Variants in PPRC1 observed in about 807,000 individuals in gnomAD.
The protein encoded by PPRC1 is peroxisome proliferator-activated receptor gamma coactivator-related protein 1.
In PPRC1, 23 loss-of-function variants were observed where a neutral mutation model predicts 132.5. That is an observed-to-expected ratio of 0.17 (90% CI 0.12 to 0.25). The LOEUF is 0.25. PPRC1 is among the 10% of genes least tolerant of loss of function. The pLI is 1.00. For synonymous variants in PPRC1, 872 were observed against 833.5 expected (o/e 1.05, Z -0.80); for missense variants, 2,006 against 2,089.1 (o/e 0.96, Z 0.78).
chr10:102,146,752 C>T lies in PPRC1; in HGVS notation c.3760C>T (p.Pro1254Ser), dbSNP rs757841018. The T allele has an allele frequency of 6.2e-7, 1 of 1,614,000 alleles. No homozygotes were observed. The highest frequency in any genetic ancestry group is 8.5e-7 in the Non-Finnish European group (1 of 1,179,908). ...CTCACTGCTGGCCAAAGCCAAATCTCCTAAGTCCACCGCCCAGGAGGGAAC... is the reference window on the plus strand; with the variant it reads ...CTCACTGCTGGCCAAAGCCAAATCTTCTAAGTCCACCGCCCAGGAGGGAAC... Reference protein sequence around the residue: ...AVSLLAKAKSPKSTAQEGTLK... With the variant: ...AVSLLAKAKSSKSTAQEGTLK... The change falls in exon 9 of 14, where the codon CCT becomes TCT. Residue 1254 changes from proline (P) to serine (S), a missense_variant. Around this residue, in one of 2 missense-constraint regions of PPRC1, gnomAD observed 1,914 missense variants for 1,917.2 expected, o/e 1.00. Coordinates refer to ENST00000278070, the MANE Select transcript of PPRC1 (RefSeq NM_015062.5).
chr10:102,139,082 C>A lies in PPRC1; in HGVS notation c.592-18C>A. 1.2e-6 allele frequency: 2 copies of A among 1,607,258 alleles called. No homozygotes were observed. The highest frequency in any genetic ancestry group is 1.7e-6 in the Non-Finnish European group (2 of 1,175,400). Reference sequence around the variant, plus strand: ...TCCCAAAGAAAACTCCTCCTGAGACCTCTCTTCTCTCCTGCAGGTTGAAAT... The same window carrying A: ...TCCCAAAGAAAACTCCTCCTGAGACATCTCTTCTCTCCTGCAGGTTGAAAT... On this transcript the variant is annotated intron_variant, in intron 4 of 13. Transcript: ENST00000278070.
chr10:102,146,563 G>GGTGTA lies in PPRC1; in HGVS notation c.3680-108_3680-104dup, dbSNP rs1310372639. The GGTGTA allele has an allele frequency of 5.5e-5, 79 of 1,429,514 alleles. No individual in the cohort carries two copies. In the East Asian group the frequency reaches 1.8e-3, roughly 33 times the overall value. 88.6% of individuals were successfully genotyped at this position (1,429,514 alleles called of 1,614,324 possible). A position where few individuals can be genotyped will look rare whatever the true frequency, so the allele number is the denominator to read the frequency against. ...AAAAGTTGGGCTGCTTACCTTGCTT[G>GGTGTA]GTGTACTTTGTGAGATGAGGTGGGG... On this transcript the variant is annotated intron_variant, in intron 8 of 13. Transcript: ENST00000278070.
intron 6 of PPRC1, 130 bp from the exon 7 acceptor site, chr10:102,144,120 T>TG (rs35058535): frequency 1.2e-6 from 1 of 841,374 alleles, no homozygotes; most frequent in Non-Finnish European, 2.0e-6. Flanking sequence ...TAGATCTCTT[T>TG]GGGGAGATCC....
At chr10:102,134,857 G>C (rs1396926321) in intron 1 of PPRC1, among the ~76,000 whole-genome samples, 1 of 152,206 alleles carries the variant, frequency 6.6e-6, no homozygotes, top group Non-Finnish European at 1.5e-5. Flanking sequence ...CACAGGGAGA[G>C]TCAGGAAGGA....
chr10:102,141,009 C>G lies in PPRC1; in HGVS notation c.2501C>G (p.Pro834Arg), dbSNP rs17855877. The G allele has an allele frequency of 2.6e-3, 4,146 of 1,614,146 alleles. 7 individuals carry two copies. Among genetic ancestry groups the G allele is most frequent in the Middle Eastern group, 0.011 (68 of 6,062 alleles). The change falls in exon 5 of 14, where the codon CCT becomes CGT. Residue 834 changes from proline to arginine, a missense_variant. Pro to Arg is a moderately radical substitution (Grantham distance 103). Coordinates refer to ENST00000278070, the MANE Select transcript of PPRC1 (RefSeq NM_015062.5). Reference sequence around the variant, plus strand: ...CCTGCTTCTCCTAGTCCTGAGCCACCTGTAAGCAAACCTGTGGCCTCATCT... The same window carrying G: ...CCTGCTTCTCCTAGTCCTGAGCCACGTGTAAGCAAACCTGTGGCCTCATCT... ...PSPASPSPEP[P>R]VSKPVASSPT...
intron 9 of PPRC1, among the ~76,000 whole-genome samples, chr10:102,147,992 A>G (rs1056188054): frequency 2.0e-5 from 3 of 152,170 alleles, no homozygotes; most frequent in Non-Finnish European, 2.9e-5. Flanking sequence ...TAGGGGAGCA[A>G]TAGTAACCCA....
At position 102,140,153 on chromosome 10, in the gene PPRC1, C is replaced by T. The variant is rs1317932494; in HGVS notation, c.1645C>T (p.Pro549Ser). 1.2e-6 allele frequency: 2 copies of T among 1,614,212 alleles called. No homozygotes were observed. Among genetic ancestry groups the T allele is most frequent in the Middle Eastern group, 1.6e-4 (1 of 6,062 alleles). Residue 549 changes from proline (P) to serine (S), a missense_variant, in exon 5 of 14, where the codon CCT becomes TCT. Physicochemically the swap from Pro to Ser is moderately conservative, Grantham distance 74. Coordinates refer to ENST00000278070, the MANE Select transcript of PPRC1 (RefSeq NM_015062.5). Reference sequence around the variant, plus strand: ...GGAGAGAAGTGCTGGACAAAGTAGTCCTGCTAAAGAAGGCCCTCTAGACCT... The same window carrying T: ...GGAGAGAAGTGCTGGACAAAGTAGTTCTGCTAAAGAAGGCCCTCTAGACCT... Reference protein sequence around the residue: ...NLERSAGQSSPAKEGPLDLYP... With the variant: ...NLERSAGQSSSAKEGPLDLYP...
chr10:102,137,292 G>C (rs1024143442), intron 1 of PPRC1, among the ~76,000 whole-genome samples: 1 of 152,150 alleles, frequency 6.6e-6, no homozygotes, highest in Non-Finnish European at 1.5e-5. Context: ...GTGTCATGGG[G>C]ATGGGGGTAG....
At position 102,138,019 on chromosome 10, in the gene PPRC1, A is replaced by G; in HGVS notation, c.323A>G (p.Asp108Gly). ...MDASLISLIE[D>G]FGSLGESRLS... ...GCCTCCCTTATCTCCCTCATTGAGG[A>G]TTTTGGGAGCCTTGGAGAGGTGAGC... is the stretch of plus-strand genomic sequence containing the variant. The change falls in exon 2 of 14, where the codon GAT (aspartate) becomes GGT (glycine). Residue 108 changes from aspartate (D) to glycine (G), a missense_variant. Physicochemically the swap from Asp to Gly is moderately conservative, Grantham distance 94. Coordinates refer to ENST00000278070, the MANE Select transcript of PPRC1 (RefSeq NM_015062.5). 2 of 1,613,688 alleles carry G rather than the reference A, an allele frequency of 1.2e-6. No homozygotes were observed. The highest frequency in any genetic ancestry group is 1.7e-6 in the Non-Finnish European group (2 of 1,179,856).
chr10:102,147,418 CT>C, intron 9 of PPRC1, 26 bp downstream of exon 9: 2 of 1,575,290 alleles, frequency 1.3e-6, no homozygotes, highest in Non-Finnish European at 1.7e-6. Flanking sequence ...CCTGTAGGTC[CT>C]CTCCATTTAG....
At position 102,140,071 on chromosome 10, in the gene PPRC1, C is replaced by T. The variant is rs1207730729; in HGVS notation, c.1563C>T (p.Pro521=). ...ESGPLQGKGK[P]RAWARAWAAA... ...GGCCTCTCCAGGGTAAGGGGAAGCC[C>T]CGGGCTTGGGCTCGGGCCTGGGCAG... Residue 521 remains proline (P), a synonymous_variant, in exon 5 of 14, where the codon CCC becomes CCT. Coordinates refer to ENST00000278070, the MANE Select transcript of PPRC1 (RefSeq NM_015062.5). 6.2e-7 allele frequency: 1 copy of T among 1,614,104 alleles called. No individual in the cohort carries two copies. Among genetic ancestry groups the T allele is most frequent in the Non-Finnish European group, 8.5e-7 (1 of 1,180,058 alleles).
the PPRC1 span, among the ~76,000 whole-genome samples, chr10:102,122,692 A>T: frequency 6.6e-6 from 1 of 152,132 alleles, no homozygotes; most frequent in Non-Finnish European, 1.5e-5. Context: ...AATGGTGATC[A>T]TCTGGGTGGA....
chr10:102,141,045 A>T lies in PPRC1; in HGVS notation c.2537A>T (p.Gln846Leu), dbSNP rs1231155942. ...SKPVASSPTE[Q>L]VPSQEMPLLA... ...CCTGTGGCCTCATCTCCCACTGAGCAGGTGCCATCCCAGGAGATGCCACTG... is the reference window on the plus strand; with the variant it reads ...CCTGTGGCCTCATCTCCCACTGAGCTGGTGCCATCCCAGGAGATGCCACTG... The change falls in exon 5 of 14, where the codon CAG (glutamine) becomes CTG (leucine). Residue 846 changes from glutamine (Q) to leucine (L), a missense_variant. By Grantham distance (113) the Gln-to-Leu change is moderately radical. This residue lies in a region of PPRC1 where 1,914 missense variants were observed against 1,917.2 expected (regional missense o/e 1.00). Coordinates refer to ENST00000278070, the MANE Select transcript of PPRC1 (RefSeq NM_015062.5). 3 of 1,614,066 alleles carry T rather than the reference A, an allele frequency of 1.9e-6. No homozygotes were observed. The highest frequency in any genetic ancestry group is 2.5e-6 in the Non-Finnish European group (3 of 1,180,044).
At chr10:102,144,934 C>A in intron 7 of PPRC1, 86 bp from the exon 8 acceptor site, 1 of 1,087,488 alleles carries the variant, frequency 9.2e-7, no homozygotes, top group Non-Finnish European at 1.4e-6. Flanking sequence ...CTGCACCCAC[C>A]CCCTCCCATT....
At position 102,139,647 on chromosome 10, in the gene PPRC1, C is replaced by T. The variant is rs764951540; in HGVS notation, c.1139C>T (p.Ser380Leu). The T allele has an allele frequency of 1.1e-5, 17 of 1,613,904 alleles. No individual in the cohort carries two copies. In the African/African-American group the frequency reaches 1.5e-4, roughly 14 times the overall value. ...PGPRPVLLDD[S>L]LETSSALQLL... is the part of the protein sequence containing the mutation. ...CCCCGGCCTGTGCTCCTGGATGACT[C>T]GCTAGAGACTAGTTCTGCCTTGCAG... Residue 380 changes from serine to leucine, a missense_variant, in exon 5 of 14, where the codon TCG becomes TTG. Ser to Leu is a moderately radical substitution (Grantham distance 145). Around this residue, in one of 2 missense-constraint regions of PPRC1, gnomAD observed 1,914 missense variants for 1,917.2 expected, o/e 1.00. Coordinates refer to ENST00000278070, the MANE Select transcript of PPRC1 (RefSeq NM_015062.5).
chr10:102,129,377 A>T (rs924385661), upstream of PPRC1, among the ~76,000 whole-genome samples: 1 of 152,182 alleles, frequency 6.6e-6, no homozygotes, highest in Admixed American at 6.5e-5. Context: ...AATGCACTTA[A>T]GGACTAGTAG....
the PPRC1 span, chr10:102,120,172 G>A: frequency 1.7e-5 from 20 of 1,192,872 alleles, no homozygotes; most frequent in Middle Eastern, 2.6e-4. Context: ...CGCGGGGACA[G>A]GCCGGGCATG....
At position 102,144,285 on chromosome 10, in the gene PPRC1, A is replaced by G; in HGVS notation, c.3586A>G (p.Ser1196Gly). ...GTGTCCTCCTCCGGCTCCTGCTGAC[A>G]GCTTGGCTGTAGGAAACTCAGGGTA... ...KECPPPAPAD[S>G]LAVGNSGGVD... Residue 1196 changes from serine (S) to glycine (G), a missense_variant, in exon 7 of 14, where the codon AGC becomes GGC. Around this residue, in one of 2 missense-constraint regions of PPRC1, gnomAD observed 1,914 missense variants for 1,917.2 expected, o/e 1.00. Coordinates refer to ENST00000278070, the MANE Select transcript of PPRC1 (RefSeq NM_015062.5). 1 of 1,614,108 alleles carries G rather than the reference A, an allele frequency of 6.2e-7. No homozygotes were observed. Among genetic ancestry groups the G allele is most frequent in the Non-Finnish European group, 8.5e-7 (1 of 1,180,016 alleles).
upstream of PPRC1, among the ~76,000 whole-genome samples, chr10:102,131,737 A>T (rs1016230191): frequency 6.6e-6 from 1 of 152,194 alleles, no homozygotes; most frequent in African/African-American, 2.4e-5. Flanking sequence ...GGCTCACTAC[A>T]ACCTCCACCT....
Sources: gnomAD v4.1 joint callset for allele counts (sites outside exome capture counted in the v4.1 genomes callset) on GRCh38, gnomAD v4.1.1 for gene constraint, gnomAD v4.1.1 regional missense constraint, MANE v1.5 for transcripts, NCBI Gene and HGNC (gene_info 2026-07-23, HGNC 2026-07-21) for gene names.